The following SRFBP1 variants were observed in gnomAD, a reference collection of about 807,000 sequenced individuals.
The protein encoded by SRFBP1 is serum response factor binding protein 1.
In SRFBP1, 47 loss-of-function variants were observed where a neutral mutation model predicts 45.5. The ratio of observed to expected loss-of-function variants is 1.03; its 90% CI spans 0.82 to 1.32. SRFBP1 has a LOEUF of 1.32. Among genes scored for constraint, SRFBP1 ranks in the 40% most tolerant of loss-of-function variants. The pLI is 0.00. For missense variants in SRFBP1, 621 were observed against 484.6 expected, an observed-to-expected ratio of 1.28 and a Z score of -2.64; for synonymous variants, 203 against 166.3, an observed-to-expected ratio of 1.22 and a Z score of -1.70.
chr5:122,056,208 G>C (rs1202489655), intron 2 of SRFBP1, among the ~76,000 whole-genome samples: 7 of 152,042 alleles, frequency 4.6e-5, no homozygotes, highest in African/African-American at 1.2e-4. Context: ...AGCCCTACAA[G>C]TATGTCATAA....
At chr5:121,969,754 G>A (rs1752149495) in intron 1 of SRFBP1, among the ~76,000 whole-genome samples, 1 of 151,930 alleles carries the variant, frequency 6.6e-6, no homozygotes, top group Non-Finnish European at 1.5e-5. Flanking sequence ...GAAGACCCTT[G>A]GCTTGGCTTA....
intron 2 of SRFBP1, among the ~76,000 whole-genome samples, chr5:122,053,981 G>A (rs1754034544): frequency 6.6e-6 from 1 of 152,122 alleles, no homozygotes; most frequent in Non-Finnish European, 1.5e-5. Flanking sequence ...TAGTTGGAGT[G>A]GCCAGCCAAG....
At chr5:122,068,038 C>G (rs1230940617) in intron 2 of SRFBP1, among the ~76,000 whole-genome samples, 1 of 151,894 alleles carries the variant, frequency 6.6e-6, no homozygotes, top group African/African-American at 2.4e-5. Context: ...CCAATATTTC[C>G]ACTCAGAATA....
chr5:121,999,728 A>C (rs558481369), intron 4 of SRFBP1, among the ~76,000 whole-genome samples: 41 of 152,036 alleles, frequency 2.7e-4, no homozygotes, highest in African/African-American at 9.9e-4. Context: ...GCTGAAGTCT[A>C]TCTTGTCTGA....
intron 4 of SRFBP1, among the ~76,000 whole-genome samples, chr5:122,006,906 A>G (rs1258655213): frequency 1.3e-5 from 2 of 151,908 alleles, no homozygotes; most frequent in East Asian, 1.9e-4. Flanking sequence ...ATCTTCATTT[A>G]TTAGGGGTCA....
intron 4 of SRFBP1, among the ~76,000 whole-genome samples, chr5:121,995,338 C>G (rs1477383251): frequency 2.6e-5 from 4 of 152,102 alleles, no homozygotes; most frequent in Non-Finnish European, 5.9e-5. Context: ...TGCAATCAAA[C>G]TAGAACTCGG....
downstream of SRFBP1, among the ~76,000 whole-genome samples, chr5:122,032,940 T>C (rs376320645): frequency 6.6e-4 from 100 of 152,146 alleles, 3 homozygotes; most frequent in South Asian, 0.017. Flanking sequence ...TTTTTATTTG[T>C]TTTTTTGTTT....
intron 3 of SRFBP1, among the ~76,000 whole-genome samples, chr5:121,981,744 C>T (rs1339748718): frequency 6.6e-6 from 1 of 151,816 alleles, no homozygotes; most frequent in African/African-American, 2.4e-5. Flanking sequence ...TGCTCTAATC[C>T]CAGAAGAAGT....
At chr5:122,034,773 TA>T (rs946995434) in intron 2 of SRFBP1, among the ~76,000 whole-genome samples, 149 of 145,566 alleles carry the variant, frequency 1.0e-3, no homozygotes, top group African/African-American at 1.3e-3. Flanking sequence ...GCAGATTTCT[TA>T]AAAAAAAAAA....
chr5:122,061,498 T>C (rs1263513512), intron 2 of SRFBP1, among the ~76,000 whole-genome samples: 1 of 152,088 alleles, frequency 6.6e-6, no homozygotes, highest in East Asian at 1.9e-4. Flanking sequence ...AATACATCCT[T>C]CCAAGTCATT....
intron 3 of SRFBP1, 72 bp from the exon 4 acceptor site, chr5:121,994,527 A>G: frequency 1.1e-6 from 1 of 943,608 alleles, no homozygotes; most frequent in Non-Finnish European, 1.6e-6. Context: ...TTCTTAAGAT[A>G]CGGAAAGGAA....
At chr5:121,997,712 A>C (rs1401782290) in intron 4 of SRFBP1, among the ~76,000 whole-genome samples, 1 of 151,756 alleles carries the variant, frequency 6.6e-6, no homozygotes, top group African/African-American at 2.4e-5. Flanking sequence ...AGAAACTACC[A>C]TCAGAGTGAA....
At position 122,020,634 on chromosome 5, in the gene SRFBP1, G is replaced by T; in HGVS notation, c.899G>T (p.Cys300Phe). ...CGGACACGAAAGAAGGAAAGTAGTT[G>T]TCATTCTTCAGTTAAGGAACAAAAA... is the stretch of plus-strand genomic sequence containing the variant. The part of the protein sequence containing the change: ...VRRTRKKESS[C>F]HSSVKEQKPL... The change falls in exon 6 of 8, where the codon TGT becomes TTT. Residue 300 changes from cysteine (C) to phenylalanine (F), a missense_variant. By Grantham distance (205) the Cys-to-Phe change is radical (BLOSUM62 -2). Coordinates refer to ENST00000339397, the MANE Select transcript of SRFBP1 (RefSeq NM_152546.3). 2 of 1,613,974 alleles carry T rather than the reference G, an allele frequency of 1.2e-6. No homozygotes were observed. The highest frequency in any genetic ancestry group is 1.1e-5 in the South Asian group (1 of 91,028).
At chr5:122,026,886 T>C (rs992587187) in intron 7 of SRFBP1, 56 bp from the exon 8 acceptor site, 80 of 1,115,046 alleles carry the variant, frequency 7.2e-5, no homozygotes, top group Non-Finnish European at 8.9e-5. Context: ...GAAATTTACT[T>C]CTCCTATATG....
At chr5:122,049,181 A>G (rs1044572774) in intron 2 of SRFBP1, among the ~76,000 whole-genome samples, 2 of 152,164 alleles carry the variant, frequency 1.3e-5, no homozygotes, top group Non-Finnish European at 2.9e-5. Context: ...ATGGAGGAAG[A>G]TCTACCAAGC....
chr5:122,042,638 C>G (rs1360715791), intron 2 of SRFBP1, among the ~76,000 whole-genome samples: 3 of 152,126 alleles, frequency 2.0e-5, no homozygotes, highest in Non-Finnish European at 4.4e-5. Context: ...TACTTCTTTT[C>G]TAGATTAGTT....
At chr5:121,983,547 C>T (rs1196930516) in intron 3 of SRFBP1, among the ~76,000 whole-genome samples, 1 of 151,652 alleles carries the variant, frequency 6.6e-6, no homozygotes, top group Non-Finnish European at 1.5e-5. Context: ...CATTTGACTG[C>T]TTTATCTGGT....
At chr5:121,975,682 G>T (rs1164922610) in intron 3 of SRFBP1, among the ~76,000 whole-genome samples, 2 of 151,906 alleles carry the variant, frequency 1.3e-5, no homozygotes, top group Admixed American at 1.3e-4. Context: ...TATTTTTACT[G>T]TAACTTTAGC....
intron 4 of SRFBP1, among the ~76,000 whole-genome samples, chr5:122,011,340 T>C (rs1449007456): frequency 6.6e-6 from 1 of 152,146 alleles, no homozygotes; most frequent in Non-Finnish European, 1.5e-5. Flanking sequence ...TGGAAGAAAC[T>C]GGAGGTACAT....
Sources: allele counts gnomAD v4.1 joint callset (sites outside exome capture counted in the v4.1 genomes callset), GRCh38; gene constraint gnomAD v4.1.1; transcripts MANE v1.5; gene names NCBI Gene and HGNC (gene_info 2026-07-23, HGNC 2026-07-21).